The following NBEAL1 variants were observed in gnomAD, a reference collection of about 807,000 sequenced individuals.
The protein encoded by NBEAL1 is neurobeachin-like protein 1.
A neutral mutation model predicts 351.3 loss-of-function variants in NBEAL1; 273 were observed. The observed-to-expected ratio is 0.78, with a 90% CI of 0.70 to 0.86. The LOEUF (loss-of-function observed/expected upper bound fraction) is 0.86, where lower values mean the gene tolerates loss of function less well. NBEAL1 is among the 40% of genes least tolerant of loss of function. The pLI is 0.00. For missense variants in NBEAL1, 2,961 were observed against 3,201.3 expected (o/e 0.92, Z 1.81); for synonymous variants, 1,050 against 1,086.4 (o/e 0.97, Z 0.66).
At chr2:203,041,092 G>C (rs1479648723) in intron 2 of NBEAL1, among the ~76,000 whole-genome samples, 3 of 152,188 alleles carry the variant, frequency 2.0e-5, no homozygotes, top group Non-Finnish European at 2.9e-5. Context: ...AAAAAGTCCA[G>C]TGTTTTCTGT....
intron 31 of NBEAL1, among the ~76,000 whole-genome samples, chr2:203,143,676 A>G (rs182070498): frequency 6.6e-6 from 1 of 152,216 alleles, no homozygotes; most frequent in East Asian, 1.9e-4. Flanking sequence ...GCTTTTTCCT[A>G]CAGCCATTGT....
chr2:203,147,253 T>C (rs976532148), intron 33 of NBEAL1, among the ~76,000 whole-genome samples: 3 of 152,098 alleles, frequency 2.0e-5, no homozygotes, highest in African/African-American at 7.2e-5. Flanking sequence ...ATTCTCTGTG[T>C]AGGAAGTCTT....
intron 7 of NBEAL1, among the ~76,000 whole-genome samples, chr2:203,070,954 G>T (rs2061672367): frequency 6.6e-6 from 1 of 152,108 alleles, no homozygotes; most frequent in Non-Finnish European, 1.5e-5. Flanking sequence ...TGTAGATAAG[G>T]TCTTGCTGTG....
intron 2 of NBEAL1, among the ~76,000 whole-genome samples, chr2:203,023,165 A>C (rs16839410): frequency 0.017 from 2,602 of 152,330 alleles, 69 homozygotes; most frequent in East Asian, 0.088. Flanking sequence ...AATTTTGGTT[A>C]TAATCCTAAA....
At position 203,126,715 on chromosome 2, in the gene NBEAL1, C is replaced by G. The variant is rs375608061; in HGVS notation, c.3144C>G (p.Ile1048Met). The change falls in exon 22 of 56, where the codon ATC becomes ATG. Residue 1048 changes from isoleucine to methionine, a missense_variant and splice_region_variant. Transcript: ENST00000683969. The part of the protein sequence containing the change: ...IWNRGDFPFR[I>M]GHIQYLSTII... ...ACCGTGGAGATTTTCCCTTTCGAATCGGTGAGAGCAGGCTTTCAGATAAAC... is the reference window on the plus strand; with the variant it reads ...ACCGTGGAGATTTTCCCTTTCGAATGGGTGAGAGCAGGCTTTCAGATAAAC... 1 of 1,503,010 alleles carries G rather than the reference C, an allele frequency of 6.7e-7. No individual in the cohort carries two copies. The highest frequency in any genetic ancestry group is 1.3e-5 in the South Asian group (1 of 75,178). The allele number at this position is 1,503,010 out of a possible 1,614,324, so 93.1% of individuals were successfully genotyped here.
At chr2:203,099,988 CAT>C (rs752429093) in intron 12 of NBEAL1, among the ~76,000 whole-genome samples, 98 of 152,220 alleles carry the variant, frequency 6.4e-4, no homozygotes, top group African/African-American at 2.3e-3. Flanking sequence ...TATGTAAAAA[CAT>C]GTGGTATTTG....
rs777847597 is a variant in NBEAL1, at chr2:203,110,202, A to G, written c.2002A>G (p.Met668Val). 1.9e-6 allele frequency: 3 copies of G among 1,553,606 alleles called. No homozygotes were observed. Among genetic ancestry groups the G allele is most frequent in the Non-Finnish European group, 2.6e-6 (3 of 1,147,492 alleles). ...TGAAGCCTTTATTACCCATTCAGGTATGTTGGTCGTGGCAGTGTGCACAAA... is the reference window on the plus strand; with the variant it reads ...TGAAGCCTTTATTACCCATTCAGGTGTGTTGGTCGTGGCAGTGTGCACAAA... ...GFEAFITHSG[M>V]LVVAVCTKRE... The change falls in exon 15 of 56, where the codon ATG becomes GTG. Residue 668 changes from methionine (M) to valine (V), a missense_variant. Coordinates refer to ENST00000683969, the MANE Select transcript of NBEAL1 (RefSeq NM_001378026.1).
At chr2:203,206,191 A>T (rs1456509121) in intron 51 of NBEAL1, among the ~76,000 whole-genome samples, 1 of 152,274 alleles carries the variant, frequency 6.6e-6, no homozygotes, top group Non-Finnish European at 1.5e-5. Flanking sequence ...CATTATAAGA[A>T]GAAAACGAAG....
chr2:203,202,026 A>G (rs1287829495), intron 50 of NBEAL1, among the ~76,000 whole-genome samples: 1 of 152,204 alleles, frequency 6.6e-6, no homozygotes, highest in Non-Finnish European at 1.5e-5. Context: ...CTGTCATTAG[A>G]TAAGACATCA....
intron 6 of NBEAL1, among the ~76,000 whole-genome samples, chr2:203,063,847 TGATA>T (rs983934510): frequency 6.6e-6 from 1 of 151,942 alleles, no homozygotes. Flanking sequence ...TTCATACCAG[TGATA>T]GATAGATAAG....
At chr2:203,215,747 A>C (rs1159899307) in intron 55 of NBEAL1, among the ~76,000 whole-genome samples, 8 of 151,590 alleles carry the variant, frequency 5.3e-5, no homozygotes, top group South Asian at 2.1e-4. Context: ...ATGGTGACTC[A>C]CTCCTGTAAT....
chr2:203,166,610 G>A (rs1022086774), intron 37 of NBEAL1, among the ~76,000 whole-genome samples: 8 of 152,054 alleles, frequency 5.3e-5, no homozygotes, highest in African/African-American at 1.7e-4. Context: ...GCAATGGTGC[G>A]ATCTCGGCTC....
chr2:203,065,999 CT>C (rs2061579170), intron 6 of NBEAL1, among the ~76,000 whole-genome samples: 3 of 152,176 alleles, frequency 2.0e-5, no homozygotes, highest in African/African-American at 7.2e-5. Flanking sequence ...GTACAAACTA[CT>C]TGTGCTTTAA....
At chr2:203,093,034 C>T (rs2106191491) in intron 10 of NBEAL1, among the ~76,000 whole-genome samples, 1 of 151,918 alleles carries the variant, frequency 6.6e-6, no homozygotes, top group Admixed American at 6.6e-5. Flanking sequence ...AGATTGAGAC[C>T]ACCCTGGCTA....
At chr2:203,198,849 T>G (rs2065311407) in intron 48 of NBEAL1, among the ~76,000 whole-genome samples, 1 of 143,936 alleles carries the variant, frequency 6.9e-6, no homozygotes. Flanking sequence ...AGAGCAAGAC[T>G]CTATCTCAAA....
Position 203,190,355 on chromosome 2 carries a change from A to C in NBEAL1, c.6887A>C (p.Asn2296Thr). Residue 2296 changes from asparagine (N) to threonine (T), a missense_variant, in exon 46 of 56, where the codon AAT becomes ACT. Asn to Thr is a moderately conservative substitution (Grantham distance 65). Transcript: ENST00000683969. ...KERKALEGMI[N>T]NFGQTPCQLL... ...AGAAAAGCCTTAGAAGGGATGATTA[A>C]TAATTTTGGGCAAACACCCTGTCAA... 1 of 1,612,448 alleles carries C rather than the reference A, an allele frequency of 6.2e-7. No individual in the cohort carries two copies. Among genetic ancestry groups the C allele is most frequent in the South Asian group, 1.1e-5 (1 of 90,580 alleles).
intron 2 of NBEAL1, chr2:203,040,512 A>C (rs2061123384): frequency 1.0e-5 from 7 of 673,888 alleles, no homozygotes; most frequent in Non-Finnish European, 1.9e-5. Flanking sequence ...TTATAGTGGA[A>C]ACTTATGTGA....
At chr2:203,196,387 T>TC (rs1184519470) in intron 47 of NBEAL1, among the ~76,000 whole-genome samples, 2 of 152,200 alleles carry the variant, frequency 1.3e-5, no homozygotes, top group Admixed American at 6.5e-5. Flanking sequence ...AAGAGGTATT[T>TC]CCCCATGTAT....
intron 4 of NBEAL1, among the ~76,000 whole-genome samples, chr2:203,052,792 C>T (rs1424765915): frequency 1.3e-5 from 2 of 151,418 alleles, no homozygotes; most frequent in East Asian, 3.9e-4. Context: ...CGCCATGTTG[C>T]TCAAGCTGGT....
Sources: gnomAD v4.1 joint callset for allele counts (sites outside exome capture counted in the v4.1 genomes callset) on GRCh38, gnomAD v4.1.1 for gene constraint, MANE v1.5 for transcripts, NCBI Gene and HGNC (gene_info 2026-07-23, HGNC 2026-07-21) for gene names.